The following HSDL2 variants were observed in gnomAD, a reference collection of about 807,000 sequenced individuals.
The protein encoded by HSDL2 is hydroxysteroid dehydrogenase like 2.
HSDL2 carries 27 observed loss-of-function variants against 46.3 expected under a neutral mutation model. The observed-to-expected ratio is 0.58, with a 90% CI of 0.43 to 0.80. The LOEUF (loss-of-function observed/expected upper bound fraction) is 0.80. Among genes scored for constraint, HSDL2 ranks in the 30% least tolerant of loss-of-function variants. The pLI, the probability that HSDL2 is intolerant of heterozygous loss-of-function variation, is 0.00. For missense variants in HSDL2, 451 were observed against 502.7 expected, an observed-to-expected ratio of 0.90 and a Z score of 0.98; for synonymous variants, 153 against 163.6, an observed-to-expected ratio of 0.94 and a Z score of 0.50.
intron 1 of HSDL2, among the ~76,000 whole-genome samples, chr9:112,386,282 A>G (rs1015550664): frequency 3.3e-5 from 5 of 152,158 alleles, no homozygotes; most frequent in Non-Finnish European, 4.4e-5. Context: ...TCCATCTGGA[A>G]ACACTTTTCT....
At chr9:112,403,532 C>T (rs1260386930) in intron 1 of HSDL2, among the ~76,000 whole-genome samples, 2 of 152,044 alleles carry the variant, frequency 1.3e-5, no homozygotes, top group South Asian at 2.1e-4. Flanking sequence ...ATTCATTGAA[C>T]AATTATTTGC....
intron 10 of HSDL2, among the ~76,000 whole-genome samples, chr9:112,465,577 C>T (rs1406317252): frequency 6.6e-6 from 1 of 152,208 alleles, no homozygotes; most frequent in Non-Finnish European, 1.5e-5. Context: ...TTCTCACCTC[C>T]CCTGGCAACC....
chr9:112,452,112 A>C (rs923584760), intron 8 of HSDL2, among the ~76,000 whole-genome samples: 9 of 152,244 alleles, frequency 5.9e-5, no homozygotes, highest in African/African-American at 2.2e-4. Flanking sequence ...TAAGGCTTTC[A>C]TCTCTAATAT....
chr9:112,391,997 A>G (rs1831355935), intron 1 of HSDL2, among the ~76,000 whole-genome samples: 1 of 152,156 alleles, frequency 6.6e-6, no homozygotes, highest in Non-Finnish European at 1.5e-5. Flanking sequence ...GGTTCTTTCT[A>G]TTTTCCTTAA....
intron 6 of HSDL2, among the ~76,000 whole-genome samples, chr9:112,422,308 G>GA (rs1832143376): frequency 1.3e-5 from 2 of 151,922 alleles, no homozygotes; most frequent in Non-Finnish European, 2.9e-5. Context: ...TCCAGACATG[G>GA]AAAAAATAAA....
At chr9:112,409,096 T>C (rs957673017) in intron 4 of HSDL2, 75 bp downstream of exon 4, 16 of 808,742 alleles carry the variant, frequency 2.0e-5, no homozygotes, top group African/African-American at 1.2e-4. Context: ...GTAAACAGAT[T>C]TGAGCCAAAT....
At chr9:112,419,605 A>T (rs1832074774) in intron 6 of HSDL2, among the ~76,000 whole-genome samples, 1 of 152,184 alleles carries the variant, frequency 6.6e-6, no homozygotes, top group Admixed American at 6.5e-5. Flanking sequence ...AATTCTGCAG[A>T]TTCTCATACT....
chr9:112,419,340 T>C (rs1271162513), intron 6 of HSDL2, among the ~76,000 whole-genome samples: 2 of 152,184 alleles, frequency 1.3e-5, no homozygotes, highest in African/African-American at 4.8e-5. Flanking sequence ...TTGGGTATGA[T>C]AGGGTGAGAG....
intron 6 of HSDL2, among the ~76,000 whole-genome samples, chr9:112,431,051 CAAA>C (rs57414181): frequency 0.027 from 2,597 of 95,658 alleles, 66 homozygotes; most frequent in African/African-American, 0.089. Flanking sequence ...GATTCCAACT[CAAA>C]AAAAAAAAAA....
At chr9:112,409,391 A>G (rs902286902) in intron 4 of HSDL2, among the ~76,000 whole-genome samples, 1 of 151,942 alleles carries the variant, frequency 6.6e-6, no homozygotes, top group Non-Finnish European at 1.5e-5. Flanking sequence ...GGGTTTTACC[A>G]TGTTGGCCAG....
At chr9:112,396,888 T>C (rs761023527) in intron 1 of HSDL2, among the ~76,000 whole-genome samples, 2 of 152,102 alleles carry the variant, frequency 1.3e-5, no homozygotes, top group Non-Finnish European at 2.9e-5. Flanking sequence ...CTGGGGGCTG[T>C]GTTGGGACCG....
chr9:112,435,527 G>C (rs749645557), intron 6 of HSDL2, among the ~76,000 whole-genome samples: 7 of 152,006 alleles, frequency 4.6e-5, no homozygotes, highest in Non-Finnish European at 8.8e-5. Context: ...TTGAATTTTA[G>C]CTTCTGTGAC....
intron 10 of HSDL2, among the ~76,000 whole-genome samples, chr9:112,462,636 GTGTGTA>G (rs1379312926): frequency 1.7e-5 from 2 of 114,414 alleles, no homozygotes; most frequent in Non-Finnish European, 3.6e-5. Flanking sequence ...GTGTGTGTGT[GTGTGTA>G]TAAAACATTG....
chr9:112,431,151 AT>A (rs1832384971), intron 6 of HSDL2, among the ~76,000 whole-genome samples: 1 of 152,016 alleles, frequency 6.6e-6, no homozygotes, highest in South Asian at 2.1e-4. Context: ...AAAGCTGCAG[AT>A]AGAGCAGATG....
At chr9:112,469,498 C>T (rs1390296867) in intron 10 of HSDL2, among the ~76,000 whole-genome samples, 5 of 151,326 alleles carry the variant, frequency 3.3e-5, no homozygotes, top group South Asian at 2.1e-4. Flanking sequence ...ATGGCAAAAC[C>T]CCATCTCTAT....
At chr9:112,438,207 C>T (rs1269199863) in intron 6 of HSDL2, among the ~76,000 whole-genome samples, 1 of 152,182 alleles carries the variant, frequency 6.6e-6, no homozygotes, top group African/African-American at 2.4e-5. Context: ...CATTGCACCC[C>T]AGCCTGGGTG....
rs1366765445 is a variant in HSDL2, at chr9:112,470,636, A to G, written c.*92A>G. Reference sequence around the variant, plus strand: ...TAATGTTTGTTTTCTTTCCTGTTATATTATAAGGATATGCACGTTTGTTCT... The same window carrying G: ...TAATGTTTGTTTTCTTTCCTGTTATGTTATAAGGATATGCACGTTTGTTCT... On this transcript the variant is annotated 3_prime_UTR_variant, in exon 11 of 11. Transcript: ENST00000398805. 4 of 692,446 alleles carry G rather than the reference A, an allele frequency of 5.8e-6. No homozygotes were observed. The East Asian group carries it at 8.3e-5, about 14-fold the overall frequency. 42.9% of individuals were successfully genotyped at this position (692,446 alleles called of 1,614,324 possible).
intron 7 of HSDL2, among the ~76,000 whole-genome samples, chr9:112,441,299 T>G (rs368016866): frequency 1.3e-5 from 2 of 152,166 alleles, no homozygotes; most frequent in East Asian, 3.8e-4. Flanking sequence ...GAGACCCAAG[T>G]GCACTAATGC....
In HSDL2 at chr9:112,409,002, A is replaced by C. The variant is rs1165381946; in HGVS notation, c.376A>C (p.Thr126Pro). ...KRLDLMMNVN[T>P]RGTYLASKAC... is the part of the protein sequence containing the mutation. Reference sequence around the variant, plus strand: ...ATTGGATCTGATGATGAACGTGAACACCAGAGGCACCTACCTTGCGTAAGT... The same window carrying C: ...ATTGGATCTGATGATGAACGTGAACCCCAGAGGCACCTACCTTGCGTAAGT... Residue 126 changes from threonine (T) to proline (P), a missense_variant, in exon 4 of 11, where the codon ACC (threonine) becomes CCC (proline). Thr to Pro is a conservative substitution (Grantham distance 38). Coordinates refer to ENST00000398805, the MANE Select transcript of HSDL2 (RefSeq NM_032303.5). The C allele has an allele frequency of 6.2e-7, 1 of 1,601,986 alleles. No individual in the cohort carries two copies. The highest frequency in any genetic ancestry group is 1.3e-5 in the African/African-American group (1 of 74,732).
Sources: gnomAD v4.1 joint callset for allele counts (sites outside exome capture counted in the v4.1 genomes callset) on GRCh38, gnomAD v4.1.1 for gene constraint, MANE v1.5 for transcripts, NCBI Gene and HGNC (gene_info 2026-07-23, HGNC 2026-07-21) for gene names.